EXOC6: variants seen among roughly 807,000 people sequenced by gnomAD.
The protein encoded by EXOC6 is exocyst complex component 6.
Under a neutral mutation model 112.5 loss-of-function variants are expected in EXOC6, and 60 were observed. The observed-to-expected ratio is 0.53, with a 90% CI of 0.43 to 0.66. The LOEUF (loss-of-function observed/expected upper bound fraction) is 0.66. Ranked by LOEUF, EXOC6 falls within the 30% of genes least tolerant of loss-of-function variation. The probability of loss-of-function intolerance (pLI) is 0.00; values close to 1 mark genes in which losing one functional copy is unlikely to be tolerated. For missense variants in EXOC6, 855 were observed against 957.1 expected, an observed-to-expected ratio of 0.89 and a Z score of 1.41; for synonymous variants, 295 against 308.0, an observed-to-expected ratio of 0.96 and a Z score of 0.44.
chr10:92,869,901 A>G (rs1365107494), intron 1 of EXOC6, among the ~76,000 whole-genome samples: 2 of 149,808 alleles, frequency 1.3e-5, no homozygotes, highest in Non-Finnish European at 3.0e-5. Context: ...TGACTTTAGC[A>G]GGGGAAACCT....
intron 13 of EXOC6, among the ~76,000 whole-genome samples, chr10:92,943,959 G>C (rs1379209354): frequency 6.6e-6 from 1 of 152,126 alleles, no homozygotes; most frequent in Non-Finnish European, 1.5e-5. Context: ...ACTTCTGTGA[G>C]TGTGACTGTT....
At chr10:92,830,079 C>T (rs556703320), upstream of EXOC6, among the ~76,000 whole-genome samples, 67 of 152,314 alleles carry the variant, frequency 4.4e-4, no homozygotes, top group African/African-American at 1.6e-3. Context: ...CAGCTGAGCA[C>T]CCATGCCACT....
chr10:93,006,990 C>T (rs1254715765), intron 19 of EXOC6, among the ~76,000 whole-genome samples: 1 of 150,890 alleles, frequency 6.6e-6, no homozygotes, highest in African/African-American at 2.4e-5. Context: ...TTTTCTCCCC[C>T]ACCCTCTTTA....
chr10:92,872,247 C>T (rs993915322), intron 1 of EXOC6, among the ~76,000 whole-genome samples: 4 of 151,952 alleles, frequency 2.6e-5, no homozygotes, highest in Non-Finnish European at 5.9e-5. Flanking sequence ...CCCTTTGATC[C>T]AAAAGTTTTT....
At chr10:92,847,153 G>GT (rs1847080593), upstream of EXOC6, among the ~76,000 whole-genome samples, 2 of 152,220 alleles carry the variant, frequency 1.3e-5, no homozygotes, top group Non-Finnish European at 2.9e-5. Context: ...GTACAGAACT[G>GT]TAAGATAATA....
At chr10:92,848,499 G>A, upstream of EXOC6, 2 of 1,263,088 alleles carry the variant, frequency 1.6e-6, no homozygotes, top group Admixed American at 2.8e-5. Context: ...TTCCCGCGGC[G>A]CCGCGCCTCG....
chr10:92,974,420 T>C (rs1842414021), intron 18 of EXOC6, among the ~76,000 whole-genome samples, 188 bp downstream of exon 18: 1 of 152,230 alleles, frequency 6.6e-6, no homozygotes, highest in Admixed American at 6.5e-5. Flanking sequence ...ATTTTATTTT[T>C]AACCAAAATA....
intron 18 of EXOC6, among the ~76,000 whole-genome samples, chr10:92,975,379 C>G (rs1177366677): frequency 1.3e-5 from 2 of 151,054 alleles, no homozygotes; most frequent in Admixed American, 6.6e-5. Flanking sequence ...GCAGCCGCCC[C>G]GTCTGAGAAG....
At chr10:93,049,088 C>G (rs553711363) in intron 20 of EXOC6, among the ~76,000 whole-genome samples, 1 of 150,138 alleles carries the variant, frequency 6.7e-6, no homozygotes, top group African/African-American at 2.5e-5. Context: ...GGCAGAGTCT[C>G]GCTCTGTCGC....
chr10:92,981,269 T>G (rs1842815599), intron 18 of EXOC6, among the ~76,000 whole-genome samples: 1 of 152,236 alleles, frequency 6.6e-6, no homozygotes. Context: ...CATATCTTGT[T>G]ATTCTTCATG....
intron 18 of EXOC6, among the ~76,000 whole-genome samples, chr10:92,993,351 G>A (rs1472666271): frequency 6.6e-6 from 1 of 152,114 alleles, no homozygotes; most frequent in Non-Finnish European, 1.5e-5. Context: ...TTAAGGATGA[G>A]TAGACCAATA....
At chr10:92,998,679 A>C (rs1843609525) in intron 19 of EXOC6, among the ~76,000 whole-genome samples, 1 of 150,716 alleles carries the variant, frequency 6.6e-6, no homozygotes, top group South Asian at 2.1e-4. Context: ...AAAGTTTCTA[A>C]AAACCTACCC....
chr10:92,845,709 C>T (rs1032235659), upstream of EXOC6, among the ~76,000 whole-genome samples: 6 of 152,090 alleles, frequency 3.9e-5, no homozygotes, highest in South Asian at 2.1e-4. Context: ...GAGGCCGAGG[C>T]GGGCAGATCA....
intron 1 of EXOC6, among the ~76,000 whole-genome samples, chr10:92,857,068 A>G (rs998091137): frequency 2.6e-5 from 4 of 151,464 alleles, no homozygotes; most frequent in South Asian, 2.1e-4. Flanking sequence ...TTGAGAACCT[A>G]TGCCTTTTGA....
Position 92,841,116 on chromosome 10 carries a change from TA to T in EXOC6, c.86+6294del. 3.3e-5 allele frequency among the ~76,000 whole-genome samples: 5 copies of T among 152,330 alleles called. 1 individual carries two copies. In the South Asian group the frequency reaches 1.0e-3, roughly 32 times the overall value. ...GAAATACGCAGTATATTATTATTAT[TA>T]ATTATAGCCACCATTCTGTGCAGTA... On this transcript the variant is annotated intron_variant, in intron 1 of 21. Coordinates refer to the EXOC6 transcript ENST00000371552.
At chr10:92,911,815 A>T (rs1042870868) in intron 6 of EXOC6, among the ~76,000 whole-genome samples, 2 of 151,982 alleles carry the variant, frequency 1.3e-5, no homozygotes, top group African/African-American at 4.8e-5. Context: ...TTATAGTGAG[A>T]GTTAGACTTC....
intron 20 of EXOC6, among the ~76,000 whole-genome samples, chr10:93,038,210 C>G (rs1845605079): frequency 6.6e-6 from 1 of 151,710 alleles, no homozygotes; most frequent in Non-Finnish European, 1.5e-5. Flanking sequence ...GTTTTACATA[C>G]TAGTGGATAT....
rs577177563 is a variant in EXOC6, at chr10:92,916,894, C to T, written c.819+981C>T. Among the ~76,000 whole-genome samples, 3 of 152,092 alleles carry T rather than the reference C, an allele frequency of 2.0e-5. No homozygotes were observed. The East Asian group carries it at 5.8e-4, about 29-fold the overall frequency. ...TTGGGCTAGATAATTGACAGATAAA[C>T]ATGATTGTAGATTATATTCCTAAAT... On this transcript the variant is annotated intron_variant, in intron 7 of 21. Transcript: ENST00000260762.
chr10:92,937,564 A>G (rs1852415380), intron 12 of EXOC6, among the ~76,000 whole-genome samples: 1 of 152,104 alleles, frequency 6.6e-6, no homozygotes, highest in South Asian at 2.1e-4. Context: ...TTTATCACTC[A>G]TGTCTATTAT....
Sources: allele counts gnomAD v4.1 joint callset (sites outside exome capture counted in the v4.1 genomes callset), GRCh38; gene constraint gnomAD v4.1.1; transcripts MANE v1.5; gene names NCBI Gene and HGNC (gene_info 2026-07-23, HGNC 2026-07-21).